Variants in ZFHX3 observed in about 807,000 individuals in gnomAD.
ZFHX3 encodes the protein zinc finger homeobox 3, also known as zinc finger homeobox protein 3.
In ZFHX3, 42 loss-of-function variants were observed where a neutral mutation model predicts 279.1. The ratio of observed to expected loss-of-function variants is 0.15; its 90% CI spans 0.12 to 0.19. The LOEUF (loss-of-function observed/expected upper bound fraction) is 0.19. ZFHX3 is among the 10% of genes least tolerant of loss of function. ZFHX3 has a pLI of 1.00. For missense variants in ZFHX3, 4,981 were observed against 4,754.0 expected, an observed-to-expected ratio of 1.05 and a Z score of -1.40; for synonymous variants, 2,293 against 1,957.8, an observed-to-expected ratio of 1.17 and a Z score of -4.52.
chr16:72,819,574 C>A (rs968891479), intron 5 of ZFHX3, among the ~76,000 whole-genome samples: 2 of 152,150 alleles, frequency 1.3e-5, no homozygotes, highest in Non-Finnish European at 2.9e-5. Flanking sequence ...ACTTTGAGAA[C>A]AGTGGTCAGA....
intron 1 of ZFHX3, among the ~76,000 whole-genome samples, chr16:73,818,423 C>A (rs759361046): frequency 7.2e-5 from 11 of 152,172 alleles, no homozygotes; most frequent in Non-Finnish European, 1.6e-4. Flanking sequence ...TCACGCTAAG[C>A]AATTTGATGT....
rs114695934 is a variant in ZFHX3, at chr16:73,407,896, G to A, written c.-1291+48107C>T. ...TAGATTCTTTTTATGGCAAAATGCT[G>A]GCTTTTATCAATTCCTACCCCAACC... On this transcript the variant is annotated intron_variant, in intron 3 of 17. Transcript: ENST00000641206. 4.8e-3 allele frequency among the ~76,000 whole-genome samples: 724 copies of A among 152,244 alleles called. 4 individuals carry two copies. Among genetic ancestry groups the A allele is most frequent in the African/African-American group, 0.016 (681 of 41,536 alleles).
intron 7 of ZFHX3, among the ~76,000 whole-genome samples, chr16:73,097,231 A>ATTTTTT (rs376018253): frequency 0.036 from 4,528 of 126,532 alleles, 339 homozygotes; most frequent in African/African-American, 0.14. Context: ...GCTAATTTTA[A>ATTTTTT]TTTTTTTTTT....
chr16:73,491,303 G>A (rs2019052361), intron 2 of ZFHX3, among the ~76,000 whole-genome samples: 1 of 152,168 alleles, frequency 6.6e-6, no homozygotes, highest in Non-Finnish European at 1.5e-5. Context: ...TCAGCCCAGA[G>A]GTGATACATG....
At chr16:73,710,178 AAAAAC>A (rs886366742) in intron 1 of ZFHX3, among the ~76,000 whole-genome samples, 2 of 152,230 alleles carry the variant, frequency 1.3e-5, no homozygotes, top group Non-Finnish European at 2.9e-5. Context: ...ACTCTGTCTC[AAAAAC>A]AAAACAAAAC....
intron 5 of ZFHX3, among the ~76,000 whole-genome samples, chr16:73,238,679 C>T (rs1814597366): frequency 6.6e-6 from 1 of 152,086 alleles, no homozygotes; most frequent in Non-Finnish European, 1.5e-5. Context: ...TTCTGAGGAT[C>T]CCACCTTCTT....
At chr16:72,826,001 G>A (rs568023571) in intron 5 of ZFHX3, among the ~76,000 whole-genome samples, 1 of 152,138 alleles carries the variant, frequency 6.6e-6, no homozygotes, top group Non-Finnish European at 1.5e-5. Flanking sequence ...ATCCCCAGAA[G>A]AATGTTAGAT....
At chr16:73,021,936 G>A (rs1402879446) in intron 1 of ZFHX3, among the ~76,000 whole-genome samples, 1 of 151,940 alleles carries the variant, frequency 6.6e-6, no homozygotes, top group Non-Finnish European at 1.5e-5. Flanking sequence ...GGGAGGCAGA[G>A]GCTGGAGTGA....
At chr16:73,522,736 G>A (rs2019628149) in intron 2 of ZFHX3, among the ~76,000 whole-genome samples, 1 of 152,276 alleles carries the variant, frequency 6.6e-6, no homozygotes, top group Non-Finnish European at 1.5e-5. Flanking sequence ...TTCTCACACT[G>A]CTAATAAAGA....
intron 3 of ZFHX3, chr16:73,386,744 G>T (rs1017429746): frequency 1.2e-5 from 1 of 82,804 alleles, no homozygotes; most frequent in Non-Finnish European, 2.6e-5. Context: ...GGCCATATAT[G>T]TGGAAGCAAA....
chr16:73,152,743 A>AG (rs890533075), intron 5 of ZFHX3, among the ~76,000 whole-genome samples: 20 of 149,698 alleles, frequency 1.3e-4, no homozygotes, highest in African/African-American at 2.0e-4. Flanking sequence ...AGAGAGAGAG[A>AG]AAAAAAATGA....
At chr16:73,070,380 T>C (rs1235835669) in intron 8 of ZFHX3, among the ~76,000 whole-genome samples, 1 of 152,170 alleles carries the variant, frequency 6.6e-6, no homozygotes, top group Non-Finnish European at 1.5e-5. Flanking sequence ...AAGACACTCA[T>C]AGCATCTGAG....
chr16:72,936,985 G>A (rs1293249837), intron 3 of ZFHX3, among the ~76,000 whole-genome samples: 5 of 152,150 alleles, frequency 3.3e-5, no homozygotes, highest in Non-Finnish European at 5.9e-5. Flanking sequence ...CTGTAGGGGA[G>A]CAAAAGACAA....
intron 4 of ZFHX3, among the ~76,000 whole-genome samples, chr16:72,866,205 G>A (rs368418178): frequency 1.3e-5 from 2 of 152,190 alleles, no homozygotes; most frequent in African/African-American, 4.8e-5. Flanking sequence ...GAGAGGGAGA[G>A]TGAGAGCAGT....
chr16:73,120,642 C>T lies in ZFHX3; in HGVS notation c.-897+10326G>A, dbSNP rs370682439. 1.0e-3 allele frequency among the ~76,000 whole-genome samples: 152 copies of T among 147,610 alleles called. 1 individual carries two copies. Among genetic ancestry groups the T allele is most frequent in the African/African-American group, 3.6e-3 (143 of 39,748 alleles). On this transcript the variant is annotated intron_variant, in intron 7 of 17. Transcript: ENST00000641206. ...TGTTTGTTTGTTTTTCTGCCCTATC[C>T]TCTCTACCTTTTTTTTTTTTTTTTT...
chr16:73,455,817 G>A (rs1228053315), intron 3 of ZFHX3, among the ~76,000 whole-genome samples: 5 of 151,484 alleles, frequency 3.3e-5, no homozygotes, highest in African/African-American at 4.9e-5. Flanking sequence ...TTTGGTTGGA[G>A]TGAGGGGGCC....
chr16:72,787,754 CGCCGGT>C lies in ZFHX3; in HGVS notation c.10516_10521del (p.Thr3506_Gly3507del). ...CCGCCGCCACTGCCACCGCCGCCGC[CGCCGGT>C]GGGGACGTGAAGCACCATCTCTTGC... On this transcript the variant is annotated inframe_deletion, in exon 10 of 10. Transcript: ENST00000268489. 7.0e-7 allele frequency: 1 copy of C among 1,422,818 alleles called. No homozygotes were observed. The highest frequency in any genetic ancestry group is 9.2e-7 in the Non-Finnish European group (1 of 1,086,530). The allele number at this position is 1,422,818 out of a possible 1,614,324, so 88.1% of individuals were successfully genotyped here. A position where few individuals can be genotyped will look rare whatever the true frequency, so the allele number is the denominator to read the frequency against.
intron 1 of ZFHX3, among the ~76,000 whole-genome samples, chr16:73,779,874 A>T: frequency 6.6e-6 from 1 of 151,734 alleles, no homozygotes; most frequent in Non-Finnish European, 1.5e-5. Flanking sequence ...TGCACCAGCA[A>T]CACCCAGCTA....
At chr16:72,880,167 C>T (rs989933857) in intron 4 of ZFHX3, among the ~76,000 whole-genome samples, 2 of 152,200 alleles carry the variant, frequency 1.3e-5, no homozygotes, top group Middle Eastern at 3.2e-3. Flanking sequence ...TCTCCATGAC[C>T]TCCCTTCATC....
Sources: gnomAD v4.1 joint callset for allele counts (sites outside exome capture counted in the v4.1 genomes callset) on GRCh38, gnomAD v4.1.1 for gene constraint, MANE v1.5 for transcripts, NCBI Gene and HGNC (gene_info 2026-07-23, HGNC 2026-07-21) for gene names.